The following INTS9 variants were observed in gnomAD, a reference collection of about 807,000 sequenced individuals.
INTS9 encodes protein related to CPSF subunits of 74 kDa.
A neutral mutation model predicts 79.7 loss-of-function variants in INTS9; 55 were observed. That is an observed-to-expected ratio of 0.69 (90% CI 0.56 to 0.86). The LOEUF is 0.86. INTS9 is among the 40% of genes least tolerant of loss of function. The pLI is 0.00. For missense variants in INTS9, 721 were observed against 831.5 expected (o/e 0.87, Z 1.64); for synonymous variants, 319 against 325.2 (o/e 0.98, Z 0.20).
In INTS9 at chr8:28,777,951, G is replaced by A; in HGVS notation, c.1273C>T (p.Pro425Ser). The change falls in exon 13 of 17, where the codon CCA becomes TCA. Residue 425 changes from proline (P) to serine (S), a missense_variant and splice_region_variant. Pro to Ser is a moderately conservative substitution (Grantham distance 74, BLOSUM62 -1). Transcript: ENST00000521022. ...SSLNTVIFTE[P>S]DFSYLEALAP... ...AGGGCTTCCAGGTAGGAGAAGTCTGGTTCTAGGGAAAGTACAAGAAAGAAA... is the reference window on the plus strand; with the variant it reads ...AGGGCTTCCAGGTAGGAGAAGTCTGATTCTAGGGAAAGTACAAGAAAGAAA... 6.2e-7 allele frequency: 1 copy of A among 1,606,674 alleles called. No individual in the cohort carries two copies. The highest frequency in any genetic ancestry group is 8.5e-7 in the Non-Finnish European group (1 of 1,177,226).
At chr8:28,786,005 C>T (rs538123801) in intron 11 of INTS9, among the ~76,000 whole-genome samples, 192 of 152,306 alleles carry the variant, frequency 1.3e-3, no homozygotes, top group Admixed American at 3.1e-3. Flanking sequence ...CCTGTCACTA[C>T]TGTCCCCTCC....
At chr8:28,810,981 C>T (rs919030286) in intron 8 of INTS9, among the ~76,000 whole-genome samples, 2 of 152,212 alleles carry the variant, frequency 1.3e-5, no homozygotes, top group African/African-American at 2.4e-5. Flanking sequence ...CTGACCTCCA[C>T]GCTGTGACCA....
At chr8:28,879,971 C>T (rs1005644860) in intron 1 of INTS9, among the ~76,000 whole-genome samples, 2 of 151,962 alleles carry the variant, frequency 1.3e-5, no homozygotes, top group African/African-American at 2.4e-5. Flanking sequence ...TGAGGCACAA[C>T]TCTGAAATCT....
Position 28,799,662 on chromosome 8 carries a change from A to C in INTS9, c.745-3007T>G, listed in dbSNP as rs114471349. 9.9e-3 allele frequency among the ~76,000 whole-genome samples: 1,512 copies of C among 152,350 alleles called. 23 individuals carry two copies. Among genetic ancestry groups the C allele is most frequent in the African/African-American group, 0.035 (1,449 of 41,584 alleles). On this transcript the variant is annotated intron_variant, in intron 8 of 16. Coordinates refer to ENST00000521022, the MANE Select transcript of INTS9 (RefSeq NM_018250.4). ...GATTACTGGTGTCAATGACCACTCA[A>C]TGAGTGCTGCAAACGGGAACATTTT... is the stretch of plus-strand genomic sequence containing the variant.
intron 6 of INTS9, among the ~76,000 whole-genome samples, chr8:28,814,513 C>G (rs1163112988): frequency 6.6e-6 from 1 of 152,112 alleles, no homozygotes; most frequent in South Asian, 2.1e-4. Context: ...ACAGGTGTAT[C>G]AGGAAGTTGA....
chr8:28,814,282 TCTCA>T (rs1363009399), intron 6 of INTS9, among the ~76,000 whole-genome samples: 105 of 88,152 alleles, frequency 1.2e-3, no homozygotes, highest in Middle Eastern at 6.0e-3. Context: ...GAACAGGGCT[TCTCA>T]CACACACACA....
intron 1 of INTS9, among the ~76,000 whole-genome samples, chr8:28,870,155 T>A (rs1340312876): frequency 1.3e-5 from 2 of 152,214 alleles, no homozygotes; most frequent in South Asian, 4.1e-4. Context: ...TATATGTGAC[T>A]GTTTGTTACA....
At chr8:28,805,739 TA>T (rs1804771472) in intron 8 of INTS9, among the ~76,000 whole-genome samples, 1 of 151,106 alleles carries the variant, frequency 6.6e-6, no homozygotes, top group South Asian at 2.1e-4. Context: ...ACAGAAAAAA[TA>T]AACTAAGAAA....
Position 28,813,541 on chromosome 8 carries a change from A to T in INTS9, c.560T>A (p.Val187Glu). 1 of 1,613,622 alleles carries T rather than the reference A, an allele frequency of 6.2e-7. No homozygotes were observed. Among genetic ancestry groups the T allele is most frequent in the Non-Finnish European group, 8.5e-7 (1 of 1,179,562 alleles). ...CTGGATTTTACTAAGGGCAGAGTTC[A>T]CCTCTTGCATTGTATAGCATCTTCT... is the stretch of plus-strand genomic sequence containing the variant. ...TWRRCYTMQE[V>E]NSALSKIQLV... The change falls in exon 7 of 17, where the codon GTG becomes GAG. Residue 187 changes from valine (V) to glutamate (E), a missense_variant. Val to Glu is a moderately radical substitution (Grantham distance 121). Transcript: ENST00000521022.
At chr8:28,781,046 G>A in intron 11 of INTS9, 52 bp from the exon 12 acceptor site, 4 of 1,489,840 alleles carry the variant, frequency 2.7e-6, no homozygotes, top group Middle Eastern at 2.1e-4. Context: ...CAGGCTGAAG[G>A]GGGAACCAAA....
In INTS9 at chr8:28,793,776, T is replaced by TCA. The variant is rs370335052; in HGVS notation, c.1037+29_1037+30dup. On this transcript the variant is annotated intron_variant, in intron 10 of 16. Transcript: ENST00000521022. ...TTGAATGTCCTGAATCAAATAAAAT[T>TCA]CACAAAAAAAAAAAAAAACCACGGA... is the stretch of plus-strand genomic sequence containing the variant. 4.2e-3 allele frequency: 5,500 copies of TCA among 1,320,364 alleles called. 82 individuals carry two copies. The African/African-American group carries it at 0.068, about 16-fold the overall frequency. The allele number at this position is 1,320,364 out of a possible 1,614,324, so 81.8% of individuals were successfully genotyped here.
At position 28,847,620 on chromosome 8, in the gene INTS9, T is replaced by C. The variant is rs377399528; in HGVS notation, c.199-811A>G. ...TGTATTTATTCAAAAGAAATAAGCA[T>C]ATGTATAAAGAAATAGATATAGTCC... On this transcript the variant is annotated intron_variant, in intron 3 of 16. Transcript: ENST00000521022. Among the ~76,000 whole-genome samples, 30 of 152,348 alleles carry C rather than the reference T, an allele frequency of 2.0e-4. No homozygotes were observed. The East Asian group carries it at 2.5e-3, about 13-fold the overall frequency.
intron 12 of INTS9, among the ~76,000 whole-genome samples, chr8:28,779,211 A>G (rs982288701): frequency 3.3e-5 from 5 of 152,152 alleles, no homozygotes; most frequent in African/African-American, 4.8e-5. Flanking sequence ...AATTAATGAA[A>G]TCTTGGCAGC....
chr8:28,811,418 C>T (rs1805131559), intron 8 of INTS9, among the ~76,000 whole-genome samples: 1 of 146,686 alleles, frequency 6.8e-6, no homozygotes, highest in African/African-American at 2.6e-5. Flanking sequence ...GCCACCATAC[C>T]CGGCCTTTTT....
At chr8:28,820,727 T>C (rs1356773047) in intron 6 of INTS9, among the ~76,000 whole-genome samples, 1 of 152,144 alleles carries the variant, frequency 6.6e-6, no homozygotes, top group Non-Finnish European at 1.5e-5. Flanking sequence ...TGTGATCCCA[T>C]CCTGAGAAAT....
intron 2 of INTS9, among the ~76,000 whole-genome samples, chr8:28,851,173 G>A (rs1430442339): frequency 6.6e-6 from 1 of 152,102 alleles, no homozygotes; most frequent in Non-Finnish European, 1.5e-5. Context: ...TGATGCAAAA[G>A]TTAAGGGCAA....
At chr8:28,816,539 A>G (rs1351449214) in intron 6 of INTS9, among the ~76,000 whole-genome samples, 30 of 149,224 alleles carry the variant, frequency 2.0e-4, no homozygotes, top group African/African-American at 7.2e-4. Flanking sequence ...ACATTTTCTT[A>G]ATCCAGTCTA....
intron 1 of INTS9, among the ~76,000 whole-genome samples, chr8:28,865,373 G>A (rs1362566022): frequency 2.0e-5 from 3 of 151,786 alleles, no homozygotes; most frequent in Admixed American, 2.0e-4. Flanking sequence ...TTGGGAGGTT[G>A]AGGCAAGAGG....
chr8:28,875,289 C>CAA (rs143954319), intron 1 of INTS9, among the ~76,000 whole-genome samples: 5 of 151,288 alleles, frequency 3.3e-5, no homozygotes, highest in Non-Finnish European at 7.4e-5. Context: ...CACTACAAAG[C>CAA]AAAAAAAATA....
Sources: gnomAD v4.1 joint callset for allele counts (sites outside exome capture counted in the v4.1 genomes callset) on GRCh38, gnomAD v4.1.1 for gene constraint, MANE v1.5 for transcripts, NCBI Gene and HGNC (gene_info 2026-07-23, HGNC 2026-07-21) for gene names.